Variants in CLCA1 observed in about 807,000 individuals in gnomAD.
CLCA1 encodes calcium-activated chloride channel regulator 1.
CLCA1 carries 59 observed loss-of-function variants against 85.6 expected under a neutral mutation model. That is an observed-to-expected ratio of 0.69 (90% confidence interval 0.56 to 0.86). The LOEUF (loss-of-function observed/expected upper bound fraction) is 0.86, where lower values mean the gene tolerates loss of function less well. CLCA1 is among the 40% of genes least tolerant of loss of function. The probability of loss-of-function intolerance (pLI) is 0.00; values close to 1 mark genes in which losing one functional copy is unlikely to be tolerated. For missense variants in CLCA1, 1,022 were observed against 1,101.4 expected (o/e 0.93, Z 1.02); for synonymous variants, 396 against 398.3 (o/e 0.99, Z 0.07).
At chr1:86,496,414 C>T (rs1009444540) in intron 12 of CLCA1, among the ~76,000 whole-genome samples, 6 of 152,294 alleles carry the variant, frequency 3.9e-5, no homozygotes, top group East Asian at 3.9e-4. Flanking sequence ...ACTGAGCCCA[C>T]GTGTAAGCAG....
intron 3 of CLCA1, among the ~76,000 whole-genome samples, chr1:86,475,136 C>G (rs549153007): frequency 6.6e-6 from 1 of 152,090 alleles, no homozygotes; most frequent in African/African-American, 2.4e-5. Context: ...ACCTGACTGC[C>G]TCATCCCACT....
chr1:86,473,702 T>A (rs751002783), intron 2 of CLCA1, 27 bp from the exon 3 acceptor site: 2 of 1,554,582 alleles, frequency 1.3e-6, no homozygotes, highest in South Asian at 1.2e-5. Flanking sequence ...AACTTTGTGA[T>A]GATAGAAACT....
At chr1:86,485,308 T>C in intron 5 of CLCA1, 35 bp from the exon 6 acceptor site, 1 of 1,477,248 alleles carries the variant, frequency 6.8e-7, no homozygotes, top group Non-Finnish European at 9.4e-7. Context: ...CCACATAGTT[T>C]ACCATTATCT....
At chr1:86,499,074 G>A (rs1186041465) in intron 13 of CLCA1, among the ~76,000 whole-genome samples, 1 of 152,220 alleles carries the variant, frequency 6.6e-6, no homozygotes, top group East Asian at 1.9e-4. Flanking sequence ...ACTGTCCTTT[G>A]ACAAACTCCA....
chr1:86,474,057 G>T (rs931693598), intron 3 of CLCA1, among the ~76,000 whole-genome samples, 181 bp downstream of exon 3: 45 of 152,102 alleles, frequency 3.0e-4, no homozygotes, highest in African/African-American at 1.0e-3. Context: ...GCATTTCTCA[G>T]CTATGAATTT....
intron 8 of CLCA1, among the ~76,000 whole-genome samples, chr1:86,490,503 G>A (rs2101743443): frequency 6.6e-6 from 1 of 152,216 alleles, no homozygotes; most frequent in South Asian, 2.1e-4. Flanking sequence ...TCTTGCTGCT[G>A]TCACATATGT....
intron 9 of CLCA1, 137 bp downstream of exon 9, chr1:86,491,508 T>G (rs1648133955): frequency 1.8e-6 from 1 of 558,578 alleles, no homozygotes; most frequent in South Asian, 2.9e-5. Flanking sequence ...CAGCTTGATA[T>G]TAAACATTAT....
At chr1:86,486,888 C>T (rs892812743) in intron 7 of CLCA1, 135 bp downstream of exon 7, 3 of 776,174 alleles carry the variant, frequency 3.9e-6, no homozygotes, top group Non-Finnish European at 6.4e-6. Flanking sequence ...TCCATATTTA[C>T]TTGGAGACTG....
intron 1 of CLCA1, among the ~76,000 whole-genome samples, chr1:86,472,512 C>T (rs539373366): frequency 2.6e-5 from 4 of 152,206 alleles, no homozygotes; most frequent in South Asian, 2.1e-4. Flanking sequence ...TGCTCACTTT[C>T]GAAGCAAATG....
chr1:86,497,330 C>T (rs1648319558), intron 12 of CLCA1, among the ~76,000 whole-genome samples: 1 of 152,110 alleles, frequency 6.6e-6, no homozygotes, highest in Non-Finnish European at 1.5e-5. Flanking sequence ...TTCATCTTTG[C>T]CAAGACCAGA....
At chr1:86,474,530 GGCGACAGA>G (rs1433785920) in intron 3 of CLCA1, among the ~76,000 whole-genome samples, 3 of 150,878 alleles carry the variant, frequency 2.0e-5, no homozygotes, top group African/African-American at 7.3e-5. Context: ...CTCCAGCCTG[GGCGACAGA>G]GCGAGACTCC....
Position 86,469,153 on chromosome 1 carries a change from C to T in CLCA1, c.162+20C>T. On this transcript the variant is annotated intron_variant, in intron 1 of 13. Coordinates refer to ENST00000394711, the MANE Select transcript of CLCA1 (RefSeq NM_001285.4). ...ATAAAGGTAAGTTCATAGTAATTAT[C>T]CATACTTTTTTAAAAATAGCATAAT... 5 of 1,555,710 alleles carry T rather than the reference C, an allele frequency of 3.2e-6. No homozygotes were observed. Among genetic ancestry groups the T allele is most frequent in the Non-Finnish European group, 3.5e-6 (4 of 1,142,600 alleles).
chr1:86,494,929 T>C (rs1648233695), intron 11 of CLCA1, among the ~76,000 whole-genome samples: 1 of 152,132 alleles, frequency 6.6e-6, no homozygotes, highest in Non-Finnish European at 1.5e-5. Flanking sequence ...ATATGATTCC[T>C]GTATCTATGC....
chr1:86,496,325 G>A (rs968554439), intron 12 of CLCA1, among the ~76,000 whole-genome samples: 1 of 152,112 alleles, frequency 6.6e-6, no homozygotes, highest in Non-Finnish European at 1.5e-5. Flanking sequence ...CATTATCCAA[G>A]TCCACTGTCT....
intron 8 of CLCA1, among the ~76,000 whole-genome samples, chr1:86,490,801 C>T (rs1430223903): frequency 1.3e-5 from 2 of 150,864 alleles, no homozygotes; most frequent in East Asian, 2.0e-4. Flanking sequence ...TGTGGTGGCT[C>T]ACTCCTGTAA....
At chr1:86,476,414 A>G in intron 3 of CLCA1, 34 bp from the exon 4 acceptor site, 1 of 1,080,954 alleles carries the variant, frequency 9.3e-7, no homozygotes, top group African/African-American at 1.6e-5. Flanking sequence ...TGCCATTCTT[A>G]TTGTAATCAG....
chr1:86,483,742 G>A (rs973974527), intron 5 of CLCA1, among the ~76,000 whole-genome samples: 1 of 152,168 alleles, frequency 6.6e-6, no homozygotes, highest in Non-Finnish European at 1.5e-5. Context: ...GTCATATTGA[G>A]TTTTTGTTAT....
At chr1:86,496,366 C>A (rs545848109) in intron 12 of CLCA1, among the ~76,000 whole-genome samples, 2 of 152,244 alleles carry the variant, frequency 1.3e-5, no homozygotes, top group East Asian at 3.9e-4. Flanking sequence ...CTGCTCAGGC[C>A]AGGGAGCATA....
chr1:86,489,665 G>T (rs1648082684), intron 8 of CLCA1, among the ~76,000 whole-genome samples: 1 of 152,238 alleles, frequency 6.6e-6, no homozygotes, highest in South Asian at 2.1e-4. Context: ...TCCCAAAATG[G>T]AATACAATGC....
Sources: allele counts gnomAD v4.1 joint callset (sites outside exome capture counted in the v4.1 genomes callset), GRCh38; gene constraint gnomAD v4.1.1; transcripts MANE v1.5; gene names NCBI Gene and HGNC (gene_info 2026-07-23, HGNC 2026-07-21).